The following CFAP20DC variants were observed in gnomAD, a reference collection of about 807,000 sequenced individuals.
CFAP20DC encodes the protein CFAP20 domain containing.
CFAP20DC carries 84 observed loss-of-function variants against 101.7 expected under a neutral mutation model. The ratio of observed to expected loss-of-function variants is 0.83; its 90% confidence interval spans 0.69 to 0.99. The LOEUF is 0.99. CFAP20DC is among the 50% of genes least tolerant of loss of function. The pLI, the probability that CFAP20DC is intolerant of heterozygous loss-of-function variation, is 0.00. For synonymous variants in CFAP20DC, 359 were observed against 351.2 expected, an observed-to-expected ratio of 1.02 and a Z score of -0.25; for missense variants, 1,007 against 970.3, an observed-to-expected ratio of 1.04 and a Z score of -0.50.
chr3:58,758,547 A>ATTTC (rs2069180932), intron 15 of CFAP20DC, among the ~76,000 whole-genome samples: 1 of 151,668 alleles, frequency 6.6e-6, no homozygotes, highest in African/African-American at 2.4e-5. Context: ...TTATTTATTT[A>ATTTC]TTTATTATAC....
At chr3:58,842,489 T>G (rs2077214939) in intron 13 of CFAP20DC, among the ~76,000 whole-genome samples, 1 of 151,940 alleles carries the variant, frequency 6.6e-6, no homozygotes, top group Non-Finnish European at 1.5e-5. Context: ...CGAGACTATA[T>G]CCCACACCTG....
chr3:58,817,286 TG>T (rs1298601974), intron 14 of CFAP20DC, among the ~76,000 whole-genome samples: 1 of 152,166 alleles, frequency 6.6e-6, no homozygotes, highest in African/African-American at 2.4e-5. Flanking sequence ...CAAAGCTGGA[TG>T]GAGAATGACT....
rs1048668592 is a variant in CFAP20DC, at chr3:58,944,123, G to T, written c.279-6361C>A. Among the ~76,000 whole-genome samples the T allele has an allele frequency of 2.6e-5, 4 of 152,142 alleles. No individual in the cohort carries two copies. The East Asian group carries it at 5.8e-4, about 22-fold the overall frequency. The stretch of plus-strand genomic sequence containing the variant: ...TTGGTATACCTGAAAGTGACGGGGA[G>T]AATGGAACCAAGTAGGAAAACACTC... On this transcript the variant is annotated intron_variant, in intron 4 of 16. Coordinates refer to ENST00000482387, the MANE Select transcript of CFAP20DC (RefSeq NM_001394063.1).
At chr3:58,947,414 C>T (rs766135222) in intron 4 of CFAP20DC, among the ~76,000 whole-genome samples, 6 of 152,208 alleles carry the variant, frequency 3.9e-5, no homozygotes, top group Non-Finnish European at 7.4e-5. Context: ...CATCGCTCCC[C>T]GAAAAATGCC....
chr3:58,842,821 C>T (rs998161471), intron 13 of CFAP20DC, among the ~76,000 whole-genome samples: 8 of 152,236 alleles, frequency 5.3e-5, no homozygotes, highest in African/African-American at 1.9e-4. Flanking sequence ...GATCTGACAA[C>T]CGGCAGACTG....
intron 15 of CFAP20DC, 44 bp downstream of exon 15, chr3:58,806,351 T>A: frequency 7.7e-7 from 1 of 1,305,052 alleles, no homozygotes; most frequent in Admixed American, 1.8e-5. Context: ...ATCTTCCAAC[T>A]AAGTTTTTTT....
chr3:58,978,192 C>G (rs2092362031), intron 4 of CFAP20DC, among the ~76,000 whole-genome samples: 2 of 152,120 alleles, frequency 1.3e-5, no homozygotes, highest in Admixed American at 6.6e-5. Context: ...TAGCCTTCTT[C>G]CAGGTTCTTC....
chr3:59,047,145 C>A lies in CFAP20DC; in HGVS notation c.111+20G>T. On this transcript the variant is annotated intron_variant, in intron 2 of 16. Transcript: ENST00000482387. ...ACATTTCTTCCCCTGATTTATGTGG[C>A]TCTAATTTCTAATACTTACTTTCCA... 1 of 1,443,150 alleles carries A rather than the reference C, an allele frequency of 6.9e-7. No homozygotes were observed. Among genetic ancestry groups the A allele is most frequent in the Non-Finnish European group, 9.4e-7 (1 of 1,064,074 alleles). The allele number at this position is 1,443,150 out of a possible 1,614,324, so 89.4% of individuals were successfully genotyped here.
rs919063460 is a variant in CFAP20DC at position 58,834,313 on chromosome 3, C to T, written c.1972-2424G>A. Among the ~76,000 whole-genome samples, 314 of 152,268 alleles carry T rather than the reference C, an allele frequency of 2.1e-3. 3 individuals carry two copies. Among genetic ancestry groups the T allele is most frequent in the African/African-American group, 7.3e-3 (303 of 41,556 alleles). ...AGTGACTTGCTGTTCTTCAGTTTTT[C>T]GGTCAAGAAGTGGGATTAAGCGTTC... On this transcript the variant is annotated intron_variant, in intron 13 of 16. Coordinates refer to ENST00000482387, the MANE Select transcript of CFAP20DC (RefSeq NM_001394063.1).
intron 5 of CFAP20DC, among the ~76,000 whole-genome samples, chr3:58,915,115 T>C (rs2084547491): frequency 6.6e-6 from 1 of 152,088 alleles, no homozygotes; most frequent in Non-Finnish European, 1.5e-5. Flanking sequence ...AAGTTCGGAC[T>C]AACCATGATG....
At chr3:58,841,858 C>G (rs2077138408) in intron 13 of CFAP20DC, among the ~76,000 whole-genome samples, 1 of 152,112 alleles carries the variant, frequency 6.6e-6, no homozygotes, top group African/African-American at 2.4e-5. Flanking sequence ...GCTATAAAGT[C>G]TGTTATATAA....
intron 6 of CFAP20DC, among the ~76,000 whole-genome samples, chr3:58,889,295 C>T (rs2081950804): frequency 6.6e-6 from 1 of 152,150 alleles, no homozygotes; most frequent in Non-Finnish European, 1.5e-5. Context: ...GATTTGCCTC[C>T]GTTCCATTTA....
At chr3:58,865,151 TCA>T (rs1307747475) in intron 11 of CFAP20DC, among the ~76,000 whole-genome samples, 1 of 151,148 alleles carries the variant, frequency 6.6e-6, no homozygotes, top group Non-Finnish European at 1.5e-5. Context: ...TCTTGCAGAA[TCA>T]CAGTGTGGAC....
chr3:58,728,300 C>A lies in CFAP20DC; in HGVS notation c.198-10672G>T, dbSNP rs1344647265. Among the ~76,000 whole-genome samples the A allele has an allele frequency of 2.0e-5, 3 of 152,168 alleles. No homozygotes were observed. The highest frequency in any genetic ancestry group is 4.4e-5 in the Non-Finnish European group (3 of 68,028). On this transcript the variant is annotated intron_variant, in intron 3 of 3. Coordinates refer to the CFAP20DC transcript ENST00000486145. The surrounding 1 kb of genome is among the most constrained non-coding windows in gnomAD (Gnocchi z 4.7). Reference sequence around the variant, plus strand: ...CATAGGAAAATACCTTTGGCTGTCCCATTGGGGAGGAAATTGGAAGAAGAT... The same window carrying A: ...CATAGGAAAATACCTTTGGCTGTCCAATTGGGGAGGAAATTGGAAGAAGAT...
At chr3:58,945,092 T>C (rs1290372436) in intron 4 of CFAP20DC, among the ~76,000 whole-genome samples, 1 of 152,208 alleles carries the variant, frequency 6.6e-6, no homozygotes, top group Non-Finnish European at 1.5e-5. Flanking sequence ...CCATAAACCC[T>C]ACAAGATATC....
intron 14 of CFAP20DC, among the ~76,000 whole-genome samples, chr3:58,811,539 T>C (rs1377824998): frequency 1.3e-5 from 2 of 152,050 alleles, no homozygotes; most frequent in Admixed American, 6.6e-5. Context: ...CCTTATACCT[T>C]ATAAAAAAAT....
At chr3:58,787,922 G>C (rs1482412828) in intron 15 of CFAP20DC, among the ~76,000 whole-genome samples, 1 of 151,640 alleles carries the variant, frequency 6.6e-6, no homozygotes, top group Admixed American at 6.6e-5. Flanking sequence ...TCACTCATAA[G>C]TGGGAGTTGA....
intron 15 of CFAP20DC, among the ~76,000 whole-genome samples, chr3:58,797,278 A>C (rs540898737): frequency 6.0e-4 from 92 of 152,330 alleles, no homozygotes; most frequent in Middle Eastern, 3.4e-3. Context: ...AGGAAATTCG[A>C]AGTACTTACT....
At chr3:59,027,133 T>A (rs2093907851) in intron 4 of CFAP20DC, among the ~76,000 whole-genome samples, 7 of 152,180 alleles carry the variant, frequency 4.6e-5, no homozygotes, top group Admixed American at 4.6e-4. Context: ...GGAATGAGCA[T>A]CATAAATTCT....
Sources: gnomAD v4.1 joint callset for allele counts (sites outside exome capture counted in the v4.1 genomes callset) on GRCh38, gnomAD v4.1.1 for gene constraint, Gnocchi (gnomAD v3.1) non-coding constraint, MANE v1.5 for transcripts, NCBI Gene and HGNC (gene_info 2026-07-23, HGNC 2026-07-21) for gene names.